CERT1: variants seen among roughly 807,000 people sequenced by gnomAD.
The protein encoded by CERT1 is ceramide transporter 1, also known as ceramide transfer protein.
In CERT1, 31 loss-of-function variants were observed where a neutral mutation model predicts 87.9. The ratio of observed to expected loss-of-function variants is 0.35; its 90% confidence interval spans 0.27 to 0.48. The LOEUF is 0.48. Ranked by LOEUF, CERT1 falls within the 20% of genes least tolerant of loss-of-function variation. The pLI is 0.99. For missense variants in CERT1, 487 were observed against 758.0 expected, an observed-to-expected ratio of 0.64 and a Z score of 4.20; for synonymous variants, 289 against 250.9, an observed-to-expected ratio of 1.15 and a Z score of -1.44.
upstream of CERT1, chr5:75,511,709 G>T (rs1044668741): frequency 2.8e-5 from 43 of 1,544,450 alleles, no homozygotes; most frequent in Admixed American, 4.0e-5. Flanking sequence ...CCCCCTCCCG[G>T]CGTCTGACGC....
At chr5:75,427,626 T>A (rs1273770264) in intron 3 of CERT1, among the ~76,000 whole-genome samples, 2 of 152,162 alleles carry the variant, frequency 1.3e-5, no homozygotes, top group Non-Finnish European at 2.9e-5. Context: ...TGAATTAATA[T>A]GCTTGTGTGG....
intron 4 of CERT1, 55 bp from the exon 5 acceptor site, chr5:75,425,554 T>A (rs1041889446): frequency 1.3e-6 from 2 of 1,563,726 alleles, no homozygotes; most frequent in South Asian, 1.2e-5. Flanking sequence ...CTGGATTTCA[T>A]GTGGTCCTAT....
At chr5:75,424,557 C>A (rs1454682114) in intron 5 of CERT1, among the ~76,000 whole-genome samples, 5 of 144,166 alleles carry the variant, frequency 3.5e-5, no homozygotes, top group African/African-American at 1.0e-4. Context: ...GGTGACAGAG[C>A]GAGACTCTGT....
At chr5:75,465,447 C>G (rs1230691793) in intron 2 of CERT1, among the ~76,000 whole-genome samples, 1 of 152,186 alleles carries the variant, frequency 6.6e-6, no homozygotes, top group Non-Finnish European at 1.5e-5. Flanking sequence ...AACAAGACAG[C>G]TAAATGAATC....
At chr5:75,382,853 G>A (rs1186994191) in intron 14 of CERT1, among the ~76,000 whole-genome samples, 1 of 151,972 alleles carries the variant, frequency 6.6e-6, no homozygotes, top group Non-Finnish European at 1.5e-5. Context: ...TAAATATAGT[G>A]TTGGGTAAAT....
chr5:75,468,255 T>A (rs1044377696), intron 2 of CERT1, among the ~76,000 whole-genome samples: 5 of 152,208 alleles, frequency 3.3e-5, no homozygotes, highest in African/African-American at 1.2e-4. Flanking sequence ...AAGTTCACAA[T>A]ACCTGTTTAT....
intron 1 of CERT1, among the ~76,000 whole-genome samples, chr5:75,506,895 A>C (rs1767675313): frequency 6.6e-6 from 1 of 152,198 alleles, no homozygotes; most frequent in South Asian, 2.1e-4. Context: ...ATAAACTGGA[A>C]AAGGCAGAAA....
At chr5:75,449,953 T>A (rs530234080) in intron 3 of CERT1, among the ~76,000 whole-genome samples, 1 of 152,126 alleles carries the variant, frequency 6.6e-6, no homozygotes, top group African/African-American at 2.4e-5. Context: ...TTAAGTTACA[T>A]CTCTTCATTG....
At chr5:75,491,709 T>C (rs1442463016) in intron 2 of CERT1, among the ~76,000 whole-genome samples, 1 of 152,192 alleles carries the variant, frequency 6.6e-6, no homozygotes, top group African/African-American at 2.4e-5. Context: ...TTTTGCAGTT[T>C]TGCCATTATC....
chr5:75,400,023 C>G (rs574015973), intron 10 of CERT1, among the ~76,000 whole-genome samples, 182 bp downstream of exon 10: 1 of 152,114 alleles, frequency 6.6e-6, no homozygotes, highest in East Asian at 1.9e-4. Context: ...TCCCAGCTAC[C>G]AGGGAGGCTG....
intron 1 of CERT1, among the ~76,000 whole-genome samples, chr5:75,509,871 A>C (rs1015058295): frequency 6.6e-6 from 1 of 152,204 alleles, no homozygotes; most frequent in Non-Finnish European, 1.5e-5. Context: ...AGAAATCCTG[A>C]GGAGCTTCTC....
At chr5:75,504,226 A>C (rs1300936129) in intron 2 of CERT1, among the ~76,000 whole-genome samples, 3 of 152,092 alleles carry the variant, frequency 2.0e-5, no homozygotes, top group Non-Finnish European at 4.4e-5. Context: ...TGATATGAAT[A>C]ATGATCTATC....
At chr5:75,479,109 A>G (rs1040715435) in intron 2 of CERT1, among the ~76,000 whole-genome samples, 8 of 151,964 alleles carry the variant, frequency 5.3e-5, no homozygotes, top group Non-Finnish European at 8.8e-5. Flanking sequence ...GGGACAAAAA[A>G]AAAGACTGTG....
In CERT1 at chr5:75,381,076, A is replaced by G. The variant is rs746276341; in HGVS notation, c.1743T>C (p.Ala581=). 2.5e-6 allele frequency: 4 copies of G among 1,613,956 alleles called. No individual in the cohort carries two copies. The highest frequency in any genetic ancestry group is 1.7e-5 in the Admixed American group (1 of 60,006). The change falls in exon 16 of 17, where the codon GCT becomes GCC. Residue 581 remains alanine (A), a synonymous_variant. Coordinates refer to ENST00000643780, the MANE Select transcript of CERT1 (RefSeq NM_001379029.1). ...CAAAAACAATAAAATACATACCATT[A>G]GCTACATATGTAATCTTGCATAGAA... is the stretch of plus-strand genomic sequence containing the variant. ...DNILCKITYV[A]NVNPGGWAPA...
intron 3 of CERT1, among the ~76,000 whole-genome samples, chr5:75,442,210 T>C (rs1273629980): frequency 1.3e-5 from 2 of 152,198 alleles, no homozygotes; most frequent in African/African-American, 4.8e-5. Flanking sequence ...TCATACAACT[T>C]AGAGATATTG....
intron 2 of CERT1, among the ~76,000 whole-genome samples, chr5:75,477,535 TGGG>T (rs1766010632): frequency 6.6e-6 from 1 of 151,302 alleles, no homozygotes; most frequent in African/African-American, 2.4e-5. Context: ...TAAAAATTTC[TGGG>T]GTTTTGTAAC....
At chr5:75,459,962 CAAAA>C (rs753591061) in intron 2 of CERT1, among the ~76,000 whole-genome samples, 29 of 25,548 alleles carry the variant, frequency 1.1e-3, no homozygotes, top group African/African-American at 3.4e-3. Flanking sequence ...TCCTCCGTCT[CAAAA>C]AAAAAAAAAA....
intron 3 of CERT1, among the ~76,000 whole-genome samples, chr5:75,453,965 T>C: frequency 6.6e-6 from 1 of 152,136 alleles, no homozygotes; most frequent in Non-Finnish European, 1.5e-5. Context: ...CCTCCAGATG[T>C]TGAAAATAAC....
chr5:75,436,318 C>T (rs1764095878), intron 3 of CERT1, among the ~76,000 whole-genome samples: 1 of 152,192 alleles, frequency 6.6e-6, no homozygotes, highest in Non-Finnish European at 1.5e-5. Flanking sequence ...CAGGCGTGAG[C>T]CACTGCACTC....
Sources: gnomAD v4.1 joint callset for allele counts (sites outside exome capture counted in the v4.1 genomes callset) on GRCh38, gnomAD v4.1.1 for gene constraint, MANE v1.5 for transcripts, NCBI Gene and HGNC (gene_info 2026-07-23, HGNC 2026-07-21) for gene names.